DYNLL2: variants seen among roughly 807,000 people sequenced by gnomAD.
The protein encoded by DYNLL2 is dynein light chain 2, cytoplasmic.
Under a neutral mutation model 9.7 loss-of-function variants are expected in DYNLL2, and 1 was observed. That is an observed-to-expected ratio of 0.10 (90% CI 0.04 to 0.49). The LOEUF (loss-of-function observed/expected upper bound fraction) is 0.49. DYNLL2 is among the 20% of genes least tolerant of loss of function. DYNLL2 has a pLI of 0.95. For synonymous variants in DYNLL2, 35 were observed against 40.5 expected (o/e 0.86, Z 0.52); for missense variants, 37 against 115.2 (o/e 0.32, Z 3.11).
Position 58,083,530 on chromosome 17 carries a change from G to C in DYNLL2, c.-163G>C, listed in dbSNP as rs2075744073. The C allele has an allele frequency of 6.5e-6, 1 of 153,090 alleles. No homozygotes were observed. The highest frequency in any genetic ancestry group is 1.5e-5 in the Non-Finnish European group (1 of 68,580). The allele number at this position is 153,090 out of a possible 1,614,324, so 9.5% of individuals were successfully genotyped here. On this transcript the variant is annotated 5_prime_UTR_variant, in exon 1 of 3. Coordinates refer to ENST00000579991, the MANE Select transcript of DYNLL2 (RefSeq NM_080677.3). Reference sequence around the variant, plus strand: ...GAAACTCCAAGGGCGGACCGCGGCAGGGAGCGATCGGCCTCGGGCTGCGGG... The same window carrying C: ...GAAACTCCAAGGGCGGACCGCGGCACGGAGCGATCGGCCTCGGGCTGCGGG...
At position 58,093,405 on chromosome 17, in the gene DYNLL2, A is replaced by T. The variant is rs1962003734; in HGVS notation, c.*4126A>T. 1 of 152,210 alleles carries T rather than the reference A, an allele frequency of 6.6e-6. No individual in the cohort carries two copies. The highest frequency in any genetic ancestry group is 2.4e-5 in the African/African-American group (1 of 41,448). The allele number at this position is 152,210 out of a possible 1,614,324, so 9.4% of individuals were successfully genotyped here. ...AAAGCATTTCAGTTTATGTTGCTGAAACCTGAGAGCGCCCCCCTGAGCTAG... is the reference window on the plus strand; with the variant it reads ...AAAGCATTTCAGTTTATGTTGCTGATACCTGAGAGCGCCCCCCTGAGCTAG... On this transcript the variant is annotated 3_prime_UTR_variant, in exon 3 of 3. Coordinates refer to ENST00000579991, the MANE Select transcript of DYNLL2 (RefSeq NM_080677.3).
intron 2 of DYNLL2, among the ~76,000 whole-genome samples, chr17:58,087,913 A>G (rs2075766094): frequency 6.6e-6 from 1 of 152,210 alleles, no homozygotes; most frequent in Non-Finnish European, 1.5e-5. Context: ...ATCCATATCC[A>G]TTGGAGGCAT....
At position 58,091,392 on chromosome 17, in the gene DYNLL2, C is replaced by CT. The variant is rs991770354; in HGVS notation, c.*2115dup. 6.6e-6 allele frequency: 1 copy of CT among 152,050 alleles called. No individual in the cohort carries two copies. The highest frequency in any genetic ancestry group is 1.5e-5 in the Non-Finnish European group (1 of 68,064). The allele number at this position is 152,050 out of a possible 1,614,324, so 9.4% of individuals were successfully genotyped here. ...GTAGCAGCACTTATTTGTGCCTAGG[C>CT]TTATGCCCCTTAAGTAGAGGAAAAC... On this transcript the variant is annotated 3_prime_UTR_variant, in exon 3 of 3. Transcript: ENST00000579991.
In DYNLL2 at chr17:58,090,727, T is replaced by C. The variant is rs2075777077; in HGVS notation, c.*1448T>C. On this transcript the variant is annotated 3_prime_UTR_variant, in exon 3 of 3. Transcript: ENST00000579991. ...AGGAGGATGCAGGGGAAATCTTGTC[T>C]GTTAATGAAATAGGAGTGGGGTGGG... is the stretch of plus-strand genomic sequence containing the variant. The C allele has an allele frequency of 6.7e-6, 1 of 148,440 alleles. No individual in the cohort carries two copies. The highest frequency in any genetic ancestry group is 1.5e-5 in the Non-Finnish European group (1 of 67,436). 9.2% of individuals were successfully genotyped at this position (148,440 alleles called of 1,614,324 possible).
Position 58,091,579 on chromosome 17 carries a change from C to T in DYNLL2, c.*2300C>T, listed in dbSNP as rs1189528814. ...GCTGCTTCAACTTTTGCCCAAAGCT[C>T]TTATCTTTCATACTCCTCCCTTCTC... is the stretch of plus-strand genomic sequence containing the variant. On this transcript the variant is annotated 3_prime_UTR_variant, in exon 3 of 3. Coordinates refer to ENST00000579991, the MANE Select transcript of DYNLL2 (RefSeq NM_080677.3). The T allele has an allele frequency of 1.3e-5, 2 of 152,192 alleles. No homozygotes were observed. The highest frequency in any genetic ancestry group is 2.9e-5 in the Non-Finnish European group (2 of 68,062). 9.4% of individuals were successfully genotyped at this position (152,192 alleles called of 1,614,324 possible). A position where few individuals can be genotyped will look rare whatever the true frequency, so the allele number is the denominator to read the frequency against.
rs1361047692 is a variant in DYNLL2, at chr17:58,091,900, G to T, written c.*2621G>T. On this transcript the variant is annotated 3_prime_UTR_variant, in exon 3 of 3. Coordinates refer to ENST00000579991, the MANE Select transcript of DYNLL2 (RefSeq NM_080677.3). ...TACTCAAAAATATTTAAGAGTTCTT[G>T]TATGCTTGGGCCTAGGATGCTGTTC... 3.3e-5 allele frequency: 5 copies of T among 152,202 alleles called. No homozygotes were observed. In the East Asian group the frequency reaches 7.7e-4, roughly 23 times the overall value. 9.4% of individuals were successfully genotyped at this position (152,202 alleles called of 1,614,324 possible). A position where few individuals can be genotyped will look rare whatever the true frequency, so the allele number is the denominator to read the frequency against.
Position 58,089,965 on chromosome 17 carries a change from A to G in DYNLL2, c.*686A>G, listed in dbSNP as rs547325434. On this transcript the variant is annotated 3_prime_UTR_variant, in exon 3 of 3. Transcript: ENST00000579991. Reference sequence around the variant, plus strand: ...CTAAGTAAGGGCTGTGTCTTTGTGGATTACCTTCTTTTGTTCTTCCTGCCA... The same window carrying G: ...CTAAGTAAGGGCTGTGTCTTTGTGGGTTACCTTCTTTTGTTCTTCCTGCCA... The G allele has an allele frequency of 2.5e-6, 1 of 398,432 alleles. No homozygotes were observed. Among genetic ancestry groups the G allele is most frequent in the African/African-American group, 2.1e-5 (1 of 48,604 alleles). The allele number at this position is 398,432 out of a possible 1,614,324, so 24.7% of individuals were successfully genotyped here. A position where few individuals can be genotyped will look rare whatever the true frequency, so the allele number is the denominator to read the frequency against.
intron 1 of DYNLL2, among the ~76,000 whole-genome samples, chr17:58,086,761 C>T (rs567231860): frequency 6.6e-6 from 1 of 152,312 alleles, no homozygotes; most frequent in African/African-American, 2.4e-5. Context: ...AACGACACAG[C>T]TAGTAGATGT....
intron 1 of DYNLL2, among the ~76,000 whole-genome samples, chr17:58,086,708 T>C (rs1330827407): frequency 2.6e-5 from 4 of 152,340 alleles, no homozygotes; most frequent in South Asian, 2.1e-4. Context: ...GTCCCCATTT[T>C]ACAGATAATG....
At position 58,090,242 on chromosome 17, in the gene DYNLL2, A is replaced by T; in HGVS notation, c.*963A>T. On this transcript the variant is annotated 3_prime_UTR_variant, in exon 3 of 3. Transcript: ENST00000579991. ...TGTATATGTGTGAATATGTGTGTAT[A>T]TGTGTGTGTATGTGTGTGTGGGGTT... The T allele has an allele frequency of 3.0e-5, 6 of 197,866 alleles. No homozygotes were observed. Among genetic ancestry groups the T allele is most frequent in the South Asian group, 1.9e-4 (1 of 5,168 alleles). The allele number at this position is 197,866 out of a possible 1,614,324, so 12.3% of individuals were successfully genotyped here. A position where few individuals can be genotyped will look rare whatever the true frequency, so the allele number is the denominator to read the frequency against.
At chr17:58,085,994 G>A (rs1161722355) in intron 1 of DYNLL2, among the ~76,000 whole-genome samples, 2 of 152,130 alleles carry the variant, frequency 1.3e-5, no homozygotes, top group Admixed American at 6.5e-5. Context: ...CAAAATCTAG[G>A]GCTTTCAAAA....
rs1387844941 is a variant in DYNLL2 at position 58,091,724 on chromosome 17, C to T, written c.*2445C>T. 6.6e-6 allele frequency: 1 copy of T among 152,210 alleles called. No individual in the cohort carries two copies. Among genetic ancestry groups the T allele is most frequent in the Non-Finnish European group, 1.5e-5 (1 of 68,052 alleles). The allele number at this position is 152,210 out of a possible 1,614,324, so 9.4% of individuals were successfully genotyped here. On this transcript the variant is annotated 3_prime_UTR_variant, in exon 3 of 3. Transcript: ENST00000579991. ...GAACCTAAGTGATTCTCTGAATCCT[C>T]TGTTGCCCAGACACACAACTCGAGA...
chr17:58,084,090 C>T (rs933356974), intron 1 of DYNLL2, among the ~76,000 whole-genome samples: 5 of 152,014 alleles, frequency 3.3e-5, no homozygotes, highest in Admixed American at 6.5e-5. Flanking sequence ...GGGCGTCCTT[C>T]CTGCAGCGAG....
chr17:58,085,970 G>A (rs1385150858), intron 1 of DYNLL2, among the ~76,000 whole-genome samples: 1 of 152,232 alleles, frequency 6.6e-6, no homozygotes, highest in Non-Finnish European at 1.5e-5. Context: ...AGAAATCAGT[G>A]TTGAAGCTGG....
rs569731300 is a variant in DYNLL2, at chr17:58,093,036, A to G, written c.*3757A>G. On this transcript the variant is annotated 3_prime_UTR_variant, in exon 3 of 3. Coordinates refer to ENST00000579991, the MANE Select transcript of DYNLL2 (RefSeq NM_080677.3). ...TTTTGTTTACTTTCTGGCCTGTGACAACTAGAATATAAGCTCTGTGAGAGC... is the reference window on the plus strand; with the variant it reads ...TTTTGTTTACTTTCTGGCCTGTGACGACTAGAATATAAGCTCTGTGAGAGC... 1.3e-5 allele frequency: 2 copies of G among 152,392 alleles called. No homozygotes were observed. Among genetic ancestry groups the G allele is most frequent in the African/African-American group, 4.8e-5 (2 of 41,590 alleles). The allele number at this position is 152,392 out of a possible 1,614,324, so 9.4% of individuals were successfully genotyped here. A position where few individuals can be genotyped will look rare whatever the true frequency, so the allele number is the denominator to read the frequency against.
Position 58,092,441 on chromosome 17 carries a change from C to A in DYNLL2, c.*3162C>A, listed in dbSNP as rs995423582. Reference sequence around the variant, plus strand: ...GCTTCCTGGAGGAGATGAGCCTCCACTTTTCGGGGCCCAGGATGGGAAAGT... The same window carrying A: ...GCTTCCTGGAGGAGATGAGCCTCCAATTTTCGGGGCCCAGGATGGGAAAGT... On this transcript the variant is annotated 3_prime_UTR_variant, in exon 3 of 3. Transcript: ENST00000579991. 1 of 152,258 alleles carries A rather than the reference C, an allele frequency of 6.6e-6. No homozygotes were observed. Among genetic ancestry groups the A allele is most frequent in the Non-Finnish European group, 1.5e-5 (1 of 68,088 alleles). The allele number at this position is 152,258 out of a possible 1,614,324, so 9.4% of individuals were successfully genotyped here.
Position 58,089,378 on chromosome 17 carries a change from C to A in DYNLL2, c.*99C>A. The A allele has an allele frequency of 6.8e-7, 1 of 1,469,072 alleles. No homozygotes were observed. The highest frequency in any genetic ancestry group is 9.3e-7 in the Non-Finnish European group (1 of 1,077,264). 91.0% of individuals were successfully genotyped at this position (1,469,072 alleles called of 1,614,324 possible). A position where few individuals can be genotyped will look rare whatever the true frequency, so the allele number is the denominator to read the frequency against. On this transcript the variant is annotated 3_prime_UTR_variant, in exon 3 of 3. Coordinates refer to ENST00000579991, the MANE Select transcript of DYNLL2 (RefSeq NM_080677.3). Reference sequence around the variant, plus strand: ...TGGAGCCAGCATCAGGATGTCCTCTCCAATGGCTGTGCTACTGCATGGACT... The same window carrying A: ...TGGAGCCAGCATCAGGATGTCCTCTACAATGGCTGTGCTACTGCATGGACT...
At chr17:58,083,974 GTC>G (rs1198819771) in intron 1 of DYNLL2, among the ~76,000 whole-genome samples, 2 of 151,896 alleles carry the variant, frequency 1.3e-5, no homozygotes, top group South Asian at 2.1e-4. Context: ...GCCCCCGGGA[GTC>G]TCTCTGCGCT....
rs892392359 is a variant in DYNLL2 at position 58,089,369 on chromosome 17, A to G, written c.*90A>G. Reference sequence around the variant, plus strand: ...GTTTTGCACTGGAGCCAGCATCAGGATGTCCTCTCCAATGGCTGTGCTACT... The same window carrying G: ...GTTTTGCACTGGAGCCAGCATCAGGGTGTCCTCTCCAATGGCTGTGCTACT... On this transcript the variant is annotated 3_prime_UTR_variant, in exon 3 of 3. Transcript: ENST00000579991. 1.3e-6 allele frequency: 2 copies of G among 1,514,806 alleles called. No homozygotes were observed. Among genetic ancestry groups the G allele is most frequent in the African/African-American group, 2.8e-5 (2 of 72,020 alleles). The allele number at this position is 1,514,806 out of a possible 1,614,324, so 93.8% of individuals were successfully genotyped here. A position where few individuals can be genotyped will look rare whatever the true frequency, so the allele number is the denominator to read the frequency against.
Sources: allele counts gnomAD v4.1 joint callset (sites outside exome capture counted in the v4.1 genomes callset), GRCh38; gene constraint gnomAD v4.1.1; transcripts MANE v1.5; gene names NCBI Gene and HGNC (gene_info 2026-07-23, HGNC 2026-07-21).